The following NRG1 variants were observed in gnomAD, a reference collection of about 807,000 sequenced individuals.
NRG1 encodes neuregulin 1.
In NRG1, 18 loss-of-function variants were observed where a neutral mutation model predicts 63.8. The observed-to-expected ratio is 0.28, with a 90% CI of 0.19 to 0.42. The LOEUF is 0.42. Ranked by LOEUF, NRG1 falls within the 10% of genes least tolerant of loss-of-function variation. The pLI is 1.00. For synonymous variants in NRG1, 302 were observed against 301.3 expected (o/e 1.00, Z -0.02); for missense variants, 762 against 814.7 (o/e 0.94, Z 0.79).
intron 2 of NRG1, among the ~76,000 whole-genome samples, chr8:32,600,103 A>G (rs776623790): frequency 3.3e-5 from 5 of 152,134 alleles, no homozygotes; most frequent in Non-Finnish European, 7.4e-5. Context: ...CACTTGGTAC[A>G]GTGACTGGTT....
At chr8:32,191,377 G>T (rs1225153172) in intron 1 of NRG1, among the ~76,000 whole-genome samples, 2 of 152,090 alleles carry the variant, frequency 1.3e-5, no homozygotes, top group African/African-American at 4.8e-5. Flanking sequence ...ACCACACCTG[G>T]CCCAAAGTTA....
chr8:32,726,121 A>C lies in NRG1; in HGVS notation c.503-1828A>C, dbSNP rs181574949. ...TGTTGGAGTAATAAAAAATTAGTCC[A>C]ATTCTTATTTATCCATAGTAATGAT... On this transcript the variant is annotated intron_variant, in intron 5 of 11. Transcript: ENST00000356819. Among the ~76,000 whole-genome samples the C allele has an allele frequency of 1.4e-4, 21 of 152,278 alleles. No individual in the cohort carries two copies. In the East Asian group the frequency reaches 4.1e-3, roughly 29 times the overall value.
intron 1 of NRG1, among the ~76,000 whole-genome samples, chr8:31,839,366 C>A (rs1825978430): frequency 6.6e-6 from 1 of 152,144 alleles, no homozygotes; most frequent in African/African-American, 2.4e-5. Flanking sequence ...GAAATTGAGC[C>A]ACAAATAAAC....
At chr8:31,972,952 T>C (rs1807548100) in intron 1 of NRG1, among the ~76,000 whole-genome samples, 1 of 152,230 alleles carries the variant, frequency 6.6e-6, no homozygotes, top group Middle Eastern at 3.2e-3. Flanking sequence ...ACATAATATA[T>C]AACTTCACAG....
At chr8:32,527,390 C>CT (rs1830970502) in intron 1 of NRG1, among the ~76,000 whole-genome samples, 1 of 152,108 alleles carries the variant, frequency 6.6e-6, no homozygotes, top group African/African-American at 2.4e-5. Flanking sequence ...AGGCCATTAT[C>CT]TTAAGTGAGA....
At chr8:32,086,851 G>A (rs1828292493) in intron 1 of NRG1, among the ~76,000 whole-genome samples, 1 of 152,142 alleles carries the variant, frequency 6.6e-6, no homozygotes, top group African/African-American at 2.4e-5. Flanking sequence ...AAGAAATAAT[G>A]AGTCAGTCTT....
chr8:32,207,291 T>C (rs192374831), intron 1 of NRG1, among the ~76,000 whole-genome samples: 220 of 152,276 alleles, frequency 1.4e-3, no homozygotes, highest in African/African-American at 4.9e-3. Context: ...AAGTATTATA[T>C]TGGTGCAAAA....
At chr8:31,741,596 T>C (rs1368288555) in intron 1 of NRG1, among the ~76,000 whole-genome samples, 1 of 152,006 alleles carries the variant, frequency 6.6e-6, no homozygotes, top group Non-Finnish European at 1.5e-5. Flanking sequence ...AAATGTATCC[T>C]AATGGCCGAT....
chr8:31,769,603 G>A (rs1473844993), intron 1 of NRG1, among the ~76,000 whole-genome samples: 1 of 152,166 alleles, frequency 6.6e-6, no homozygotes, highest in Non-Finnish European at 1.5e-5. Flanking sequence ...AAGGGATAAG[G>A]GGAGGAATCT....
intron 1 of NRG1, among the ~76,000 whole-genome samples, chr8:32,482,709 A>C (rs185230566): frequency 6.6e-6 from 1 of 152,186 alleles, no homozygotes; most frequent in African/African-American, 2.4e-5. Context: ...AAATGCATGG[A>C]GCAGAGAGAG....
intron 1 of NRG1, among the ~76,000 whole-genome samples, chr8:31,737,915 C>G (rs955493675): frequency 2.0e-5 from 3 of 151,990 alleles, no homozygotes; most frequent in African/African-American, 7.2e-5. Context: ...GTAAAGAATT[C>G]TGTTTAATTT....
rs1384640904 is a variant in NRG1, at chr8:32,743,032, T to TA, written c.691+301dup. 1.1e-5 allele frequency: 13 copies of TA among 1,171,668 alleles called. No individual in the cohort carries two copies. In the African/African-American group the frequency reaches 1.9e-4, roughly 17 times the overall value. 72.6% of individuals were successfully genotyped at this position (1,171,668 alleles called of 1,614,324 possible). On this transcript the variant is annotated intron_variant, in intron 7 of 11. Coordinates refer to ENST00000356819, the Ensembl canonical transcript of NRG1. ...GTCAATATCAAGCAGTGAAATATGATAATAAAGGCATTTCAAAGTCTCACT... is the reference window on the plus strand; with the variant it reads ...GTCAATATCAAGCAGTGAAATATGATAAATAAAGGCATTTCAAAGTCTCACT...
intron 1 of NRG1, chr8:32,099,372 C>G (rs967190534): frequency 1.3e-5 from 2 of 152,512 alleles, no homozygotes; most frequent in African/African-American, 4.8e-5. Context: ...CTGCTCCCAA[C>G]AACCTGACTC....
chr8:32,262,586 A>G (rs367554285), intron 1 of NRG1, among the ~76,000 whole-genome samples: 8 of 152,316 alleles, frequency 5.3e-5, no homozygotes, highest in South Asian at 4.1e-4. Context: ...ATGACAGTCA[A>G]TGTTATCAAA....
intron 1 of NRG1, among the ~76,000 whole-genome samples, chr8:31,964,464 G>A (rs1805990031): frequency 6.6e-6 from 1 of 152,146 alleles, no homozygotes; most frequent in Non-Finnish European, 1.5e-5. Context: ...GAGCTCAGGA[G>A]TTCTAGACCA....
At chr8:32,110,952 C>T (rs75323116) in intron 1 of NRG1, among the ~76,000 whole-genome samples, 8,664 of 152,150 alleles carry the variant, frequency 0.057, 863 homozygotes, top group African/African-American at 0.2. Flanking sequence ...GTGAAAGGTA[C>T]AGAAATGAAG....
chr8:32,382,860 C>T (rs755931306), intron 1 of NRG1, among the ~76,000 whole-genome samples: 2 of 152,036 alleles, frequency 1.3e-5, no homozygotes, highest in East Asian at 3.9e-4. Flanking sequence ...ACCCACTTCC[C>T]TCATGAAACT....
chr8:32,045,336 T>TAA (rs1820832464), intron 1 of NRG1, among the ~76,000 whole-genome samples: 1 of 151,852 alleles, frequency 6.6e-6, no homozygotes, highest in East Asian at 1.9e-4. Flanking sequence ...ATAGATGACC[T>TAA]AAATGAATGG....
At chr8:32,650,461 A>T (rs1261643356) in intron 5 of NRG1, among the ~76,000 whole-genome samples, 8 of 152,070 alleles carry the variant, frequency 5.3e-5, no homozygotes, top group Admixed American at 5.2e-4. Context: ...AATTTTTTAG[A>T]CTAGTTCCTT....
Sources: allele counts gnomAD v4.1 joint callset (sites outside exome capture counted in the v4.1 genomes callset), GRCh38; gene constraint gnomAD v4.1.1; transcripts MANE v1.5; gene names NCBI Gene and HGNC (gene_info 2026-07-23, HGNC 2026-07-21).